The following DENND4C variants were observed in gnomAD, a reference collection of about 807,000 sequenced individuals.
The protein encoded by DENND4C is DENN domain-containing protein 4C.
Under a neutral mutation model 203.0 loss-of-function variants are expected in DENND4C, and 108 were observed. The observed-to-expected ratio is 0.53, with a 90% confidence interval of 0.46 to 0.62. The LOEUF (loss-of-function observed/expected upper bound fraction) is 0.62. DENND4C is among the 20% of genes least tolerant of loss of function. The pLI is 0.00. For missense variants in DENND4C, 2,481 were observed against 2,301.2 expected (o/e 1.08, Z -1.60); for synonymous variants, 871 against 792.4 (o/e 1.10, Z -1.67).
intron 1 of DENND4C, among the ~76,000 whole-genome samples, chr9:19,244,591 T>C (rs1427001774): frequency 6.6e-6 from 1 of 151,782 alleles, no homozygotes; most frequent in Non-Finnish European, 1.5e-5. Flanking sequence ...ATACAAAAAA[T>C]TAGCCGGGCG....
At chr9:19,253,772 T>C (rs1390505094) in intron 1 of DENND4C, among the ~76,000 whole-genome samples, 1 of 152,190 alleles carries the variant, frequency 6.6e-6, no homozygotes, top group Non-Finnish European at 1.5e-5. Context: ...CCTAACCCAG[T>C]GCATTTAGTC....
intron 1 of DENND4C, among the ~76,000 whole-genome samples, chr9:19,253,945 A>G (rs1051967297): frequency 6.6e-6 from 1 of 152,196 alleles, no homozygotes; most frequent in African/African-American, 2.4e-5. Flanking sequence ...GTTCAGAACC[A>G]GCCTACGCAA....
At chr9:19,323,594 T>C (rs550105765) in intron 12 of DENND4C, among the ~76,000 whole-genome samples, 1 of 152,308 alleles carries the variant, frequency 6.6e-6, no homozygotes, top group South Asian at 2.1e-4. Context: ...AATAGATGTC[T>C]ACGATTAATA....
chr9:19,328,230 A>C, intron 16 of DENND4C, 68 bp downstream of exon 16: 464 of 1,370,770 alleles, frequency 3.4e-4, no homozygotes, highest in Non-Finnish European at 4.2e-4. Flanking sequence ...TATGCAGCTC[A>C]TAGTTTAGAA....
In DENND4C at chr9:19,346,129, C is replaced by T; in HGVS notation, c.3360C>T (p.Ile1120=). ...SLDSNSSEMA[I]MMGADAKILT... ...ATTCGAATTCAAGTGAAATGGCTAT[C>T]ATGATGGGAGCAGATGCCAAGATTC... The change falls in exon 23 of 33, where the codon ATC becomes ATT. Residue 1120 remains isoleucine (I), a synonymous_variant. Transcript: ENST00000434457. The T allele has an allele frequency of 1.2e-6, 2 of 1,614,188 alleles. No homozygotes were observed. The highest frequency in any genetic ancestry group is 1.1e-5 in the South Asian group (1 of 91,082).
At chr9:19,310,244 C>T (rs925981191) in intron 10 of DENND4C, among the ~76,000 whole-genome samples, 6 of 152,048 alleles carry the variant, frequency 3.9e-5, no homozygotes, top group African/African-American at 1.2e-4. Context: ...AATTTTTTAT[C>T]TTAATTCTCC....
intron 20 of DENND4C, 105 bp from the exon 21 acceptor site, chr9:19,340,887 G>A: frequency 2.0e-6 from 2 of 1,013,792 alleles, no homozygotes; most frequent in South Asian, 5.0e-5. Flanking sequence ...TCTTCCTTTT[G>A]TCTAACCGTA....
At position 19,335,604 on chromosome 9, in the gene DENND4C, G is replaced by A. The variant is rs1046687186; in HGVS notation, c.2589+499G>A. Among the ~76,000 whole-genome samples the A allele has an allele frequency of 5.9e-5, 9 of 151,866 alleles. 1 individual carries two copies. The highest frequency in any genetic ancestry group is 4.6e-4 in the Admixed American group (7 of 15,230). Reference sequence around the variant, plus strand: ...ATCTCATATATATGTGAGATCTTGCGGTATTTGTCTTTCTGTGCCTGGCTT... The same window carrying A: ...ATCTCATATATATGTGAGATCTTGCAGTATTTGTCTTTCTGTGCCTGGCTT... On this transcript the variant is annotated intron_variant, in intron 18 of 32. Coordinates refer to ENST00000434457, the MANE Select transcript of DENND4C (RefSeq NM_001330640.2).
In DENND4C at chr9:19,373,279, AAT is replaced by A. The variant is rs1829144209; in HGVS notation, c.*1108_*1109del. 6.6e-6 allele frequency: 1 copy of A among 152,348 alleles called. No homozygotes were observed. The highest frequency in any genetic ancestry group is 2.4e-5 in the African/African-American group (1 of 41,454). The allele number at this position is 152,348 out of a possible 1,614,324, so 9.4% of individuals were successfully genotyped here. A position where few individuals can be genotyped will look rare whatever the true frequency, so the allele number is the denominator to read the frequency against. ...CATCCTCTTCCCAATGTTAATTTGCAATAGTTTTAAAATGGGAACAAATGAAT... is the reference window on the plus strand; with the variant it reads ...CATCCTCTTCCCAATGTTAATTTGCAAGTTTTAAAATGGGAACAAATGAAT... On this transcript the variant is annotated 3_prime_UTR_variant, in exon 33 of 33. Transcript: ENST00000434457.
In DENND4C at chr9:19,369,870, A is replaced by G; in HGVS notation, c.5558A>G (p.Glu1853Gly). Residue 1853 changes from glutamate to glycine, a missense_variant, in exon 31 of 33, where the codon GAA becomes GGA. Coordinates refer to ENST00000434457, the MANE Select transcript of DENND4C (RefSeq NM_001330640.2). ...SEKKSSLLSEEQQETSTLVET... is the reference protein window; with the variant it reads ...SEKKSSLLSEGQQETSTLVET... ...AAGAAATCATCTCTCCTGTCAGAGGAACAACAAGAAACAAGCACTTTAGTA... is the reference window on the plus strand; with the variant it reads ...AAGAAATCATCTCTCCTGTCAGAGGGACAACAAGAAACAAGCACTTTAGTA... The G allele has an allele frequency of 6.2e-7, 1 of 1,610,786 alleles. No homozygotes were observed. Among genetic ancestry groups the G allele is most frequent in the Non-Finnish European group, 8.5e-7 (1 of 1,178,862 alleles).
chr9:19,288,938 A>C (rs1382644534), intron 4 of DENND4C, among the ~76,000 whole-genome samples: 1 of 152,246 alleles, frequency 6.6e-6, no homozygotes, highest in East Asian at 1.9e-4. Flanking sequence ...GGTCTACGTT[A>C]ATAGACTTAA....
intron 10 of DENND4C, among the ~76,000 whole-genome samples, chr9:19,312,768 C>T (rs1661510200): frequency 6.6e-6 from 1 of 152,108 alleles, no homozygotes; most frequent in South Asian, 2.1e-4. Context: ...CAAAATGGTT[C>T]TGCAGTGAAA....
At position 19,300,190 on chromosome 9, in the gene DENND4C, A is replaced by T. The variant is rs1838276006; in HGVS notation, c.1170A>T (p.Gly390=). The change falls in exon 9 of 33, where the codon GGA becomes GGT. Residue 390 remains glycine (G), a synonymous_variant. Transcript: ENST00000434457. The part of the protein sequence containing the change: ...QPVSTPLPLS[G]ANFSTLLMNL... ...CTTTTCTCTTTTTTTTCCCTAGTGGAGCCAACTTTAGCACCTTGCTAATGA... is the reference window on the plus strand; with the variant it reads ...CTTTTCTCTTTTTTTTCCCTAGTGGTGCCAACTTTAGCACCTTGCTAATGA... 3.1e-6 allele frequency: 5 copies of T among 1,592,496 alleles called. No homozygotes were observed. The East Asian group carries it at 9.0e-5, about 29-fold the overall frequency.
At chr9:19,290,278 T>C (rs1222623479) in intron 4 of DENND4C, among the ~76,000 whole-genome samples, 1 of 152,234 alleles carries the variant, frequency 6.6e-6, no homozygotes, top group Admixed American at 6.5e-5. Flanking sequence ...AAGATGAGTT[T>C]AGGGGCTGTG....
chr9:19,350,946 A>G (rs1048248186), intron 24 of DENND4C, 67 bp downstream of exon 24: 2 of 1,475,464 alleles, frequency 1.4e-6, no homozygotes, highest in African/African-American at 1.4e-5. Context: ...TTTTAATTTA[A>G]GAGACGGGGT....
chr9:19,371,738 A>C lies in DENND4C; in HGVS notation c.5676-18A>C, dbSNP rs753198116. On this transcript the variant is annotated intron_variant, in intron 31 of 32. Coordinates refer to ENST00000434457, the MANE Select transcript of DENND4C (RefSeq NM_001330640.2). ...ATGCTATTTGCCCATTGACTTTTAA[A>C]ACATATTTGTTTTATAGGAGTTTAT... 2 of 1,315,730 alleles carry C rather than the reference A, an allele frequency of 1.5e-6. No homozygotes were observed. Among genetic ancestry groups the C allele is most frequent in the South Asian group, 2.6e-5 (2 of 76,216 alleles). The allele number at this position is 1,315,730 out of a possible 1,614,324, so 81.5% of individuals were successfully genotyped here.
At chr9:19,265,157 G>A (rs1830228572) in intron 1 of DENND4C, among the ~76,000 whole-genome samples, 1 of 151,968 alleles carries the variant, frequency 6.6e-6, no homozygotes, top group South Asian at 2.1e-4. Context: ...TGGAACTACA[G>A]GTTTACACCA....
rs779274508 is a variant in DENND4C, at chr9:19,350,739, T to C, written c.4355T>C (p.Leu1452Pro). 1 of 1,614,010 alleles carries C rather than the reference T, an allele frequency of 6.2e-7. No homozygotes were observed. Among genetic ancestry groups the C allele is most frequent in the Non-Finnish European group, 8.5e-7 (1 of 1,179,980 alleles). ...AGAGACTACAGCTTCCCAGCTGGCC[T>C]AGAAGACCATATTTTGGGGGAGAAT... ...TNRDYSFPAG[L>P]EDHILGENIS... Residue 1452 changes from leucine (L) to proline (P), a missense_variant, in exon 24 of 33, where the codon CTA becomes CCA. Leu to Pro is a moderately conservative substitution (Grantham distance 98). Around this residue, in one of 3 missense-constraint regions of DENND4C, gnomAD observed 2,289 missense variants for 2,113.3 expected, o/e 1.08. Coordinates refer to ENST00000434457, the MANE Select transcript of DENND4C (RefSeq NM_001330640.2).
At chr9:19,328,547 A>T (rs943411897) in intron 16 of DENND4C, among the ~76,000 whole-genome samples, 1 of 152,132 alleles carries the variant, frequency 6.6e-6, no homozygotes, top group Non-Finnish European at 1.5e-5. Flanking sequence ...TGGGTGATGC[A>T]GGTTGCAGTG....
Sources: allele counts gnomAD v4.1 joint callset (sites outside exome capture counted in the v4.1 genomes callset), GRCh38; gene constraint gnomAD v4.1.1; regional missense constraint gnomAD v4.1.1; transcripts MANE v1.5; gene names NCBI Gene and HGNC (gene_info 2026-07-23, HGNC 2026-07-21).